The following PTPRM variants were observed in gnomAD, a reference collection of about 807,000 sequenced individuals.
The protein encoded by PTPRM is protein tyrosine phosphatase receptor type M.
Under a neutral mutation model 186.7 loss-of-function variants are expected in PTPRM, and 47 were observed. The observed-to-expected ratio is 0.25, with a 90% confidence interval of 0.20 to 0.32. The LOEUF (loss-of-function observed/expected upper bound fraction) is 0.32. Ranked by LOEUF, PTPRM falls within the 10% of genes least tolerant of loss-of-function variation. PTPRM has a pLI of 1.00. For missense variants in PTPRM, 1,494 were observed against 1,865.0 expected, an observed-to-expected ratio of 0.80 and a Z score of 3.66; for synonymous variants, 668 against 674.9, an observed-to-expected ratio of 0.99 and a Z score of 0.16.
At chr18:7,956,682 C>G (rs1854907800) in intron 7 of PTPRM, among the ~76,000 whole-genome samples, 1 of 152,204 alleles carries the variant, frequency 6.6e-6, no homozygotes, top group Non-Finnish European at 1.5e-5. Context: ...TGAGTGGTGG[C>G]TCTAAGGAGA....
chr18:8,296,967 G>C (rs1207321660), intron 20 of PTPRM, among the ~76,000 whole-genome samples: 1 of 152,108 alleles, frequency 6.6e-6, no homozygotes, highest in Admixed American at 6.5e-5. Context: ...AAAGAACTAG[G>C]ATTATAGCTT....
At chr18:8,260,415 C>T (rs1380017257) in intron 19 of PTPRM, among the ~76,000 whole-genome samples, 3 of 152,144 alleles carry the variant, frequency 2.0e-5, no homozygotes, top group Non-Finnish European at 2.9e-5. Context: ...CCTCCCACCT[C>T]AGCCCCACAA....
chr18:7,708,469 G>T (rs913706298), intron 1 of PTPRM, among the ~76,000 whole-genome samples: 1 of 152,100 alleles, frequency 6.6e-6, no homozygotes, highest in Non-Finnish European at 1.5e-5. Context: ...CTGGCTTGTG[G>T]TGTCCCCTCC....
chr18:7,749,911 G>A (rs1437509060), intron 1 of PTPRM, among the ~76,000 whole-genome samples: 1 of 152,188 alleles, frequency 6.6e-6, no homozygotes, highest in Non-Finnish European at 1.5e-5. Flanking sequence ...ATTCAGTTAA[G>A]CAAGTGGGAT....
intron 19 of PTPRM, among the ~76,000 whole-genome samples, chr18:8,280,898 C>T (rs77511180): frequency 0.025 from 3,850 of 152,222 alleles, 169 homozygotes; most frequent in South Asian, 0.087. Context: ...TCAGGCAACA[C>T]GGTCTAATTG....
chr18:7,693,103 T>C (rs969202536), intron 1 of PTPRM, among the ~76,000 whole-genome samples: 1 of 152,212 alleles, frequency 6.6e-6, no homozygotes, highest in Non-Finnish European at 1.5e-5. Context: ...AGATCAGTTA[T>C]GATGACTGTG....
chr18:7,899,947 C>A (rs1181284578), intron 3 of PTPRM, among the ~76,000 whole-genome samples: 2 of 152,094 alleles, frequency 1.3e-5, no homozygotes, highest in Admixed American at 6.5e-5. Context: ...TAATTGAAAA[C>A]AAGTCAAGCC....
At position 8,197,182 on chromosome 18, in the gene PTPRM, G is replaced by A. The variant is rs142628313; in HGVS notation, c.2301-46876G>A. Among the ~76,000 whole-genome samples, 17 of 152,274 alleles carry A rather than the reference G, an allele frequency of 1.1e-4. No homozygotes were observed. The East Asian group carries it at 3.3e-3, about 29-fold the overall frequency. ...AACATTATAGTCATGGTCTTTATGA[G>A]CGTTAGGCCAATGTTCTATGTAATG... is the stretch of plus-strand genomic sequence containing the variant. On this transcript the variant is annotated intron_variant, in intron 14 of 32. Coordinates refer to ENST00000580170, the MANE Select transcript of PTPRM (RefSeq NM_001105244.2).
chr18:7,838,548 TG>T (rs1225959119), intron 2 of PTPRM, among the ~76,000 whole-genome samples: 1 of 152,248 alleles, frequency 6.6e-6, no homozygotes, highest in Non-Finnish European at 1.5e-5. Flanking sequence ...CTAAGCCACC[TG>T]GAGCTGAGGG....
At chr18:7,636,240 G>A (rs2038309275) in intron 1 of PTPRM, among the ~76,000 whole-genome samples, 1 of 152,110 alleles carries the variant, frequency 6.6e-6, no homozygotes, top group South Asian at 2.1e-4. Context: ...AGGAAACTTG[G>A]ATGTATAGAT....
intron 13 of PTPRM, among the ~76,000 whole-genome samples, chr18:8,140,120 T>A (rs552322): frequency 4.6e-5 from 7 of 152,166 alleles, no homozygotes; most frequent in Admixed American, 2.0e-4. Context: ...CTCCCCTCCC[T>A]TTGGGAAAGC....
chr18:7,703,554 A>G (rs542424696), intron 1 of PTPRM, among the ~76,000 whole-genome samples: 46 of 152,326 alleles, frequency 3.0e-4, no homozygotes, highest in African/African-American at 9.1e-4. Flanking sequence ...GTTGCTTATC[A>G]GCTTAAGGAG....
intron 1 of PTPRM, among the ~76,000 whole-genome samples, chr18:7,705,192 G>A (rs1199990666): frequency 6.6e-6 from 1 of 151,924 alleles, no homozygotes; most frequent in African/African-American, 2.4e-5. Flanking sequence ...TATATCAAAC[G>A]AGAAATAAAT....
chr18:8,346,994 T>G (rs1002725614), intron 23 of PTPRM, among the ~76,000 whole-genome samples: 14 of 152,186 alleles, frequency 9.2e-5, no homozygotes, highest in Non-Finnish European at 7.3e-5. Context: ...ACATTTCATC[T>G]GCTTTCATGT....
At chr18:7,725,988 C>G (rs1011799536) in intron 1 of PTPRM, among the ~76,000 whole-genome samples, 1 of 152,154 alleles carries the variant, frequency 6.6e-6, no homozygotes, top group East Asian at 1.9e-4. Flanking sequence ...CTTCGGATCA[C>G]GGGCACTGTA....
chr18:7,964,456 G>GTTGT (rs760499427), intron 7 of PTPRM, among the ~76,000 whole-genome samples: 8 of 152,024 alleles, frequency 5.3e-5, no homozygotes, highest in African/African-American at 1.9e-4. Flanking sequence ...TGTTGTTGTT[G>GTTGT]TTGTTTGTTT....
At chr18:7,658,237 C>G (rs2038896110) in intron 1 of PTPRM, among the ~76,000 whole-genome samples, 1 of 150,984 alleles carries the variant, frequency 6.6e-6, no homozygotes, top group Non-Finnish European at 1.5e-5. Flanking sequence ...ATTGTAGAAG[C>G]TATACAGCAT....
chr18:8,126,202 C>A (rs1353417797), intron 13 of PTPRM, among the ~76,000 whole-genome samples: 1 of 150,398 alleles, frequency 6.6e-6, no homozygotes, highest in Non-Finnish European at 1.5e-5. Context: ...GATGACCTGT[C>A]TTACTAAATT....
At chr18:7,715,964 C>T (rs2040320259) in intron 1 of PTPRM, among the ~76,000 whole-genome samples, 1 of 152,152 alleles carries the variant, frequency 6.6e-6, no homozygotes, top group Admixed American at 6.5e-5. Flanking sequence ...TCACTGCTAT[C>T]CCCATCAAGC....
Sources: allele counts gnomAD v4.1 joint callset (sites outside exome capture counted in the v4.1 genomes callset), GRCh38; gene constraint gnomAD v4.1.1; transcripts MANE v1.5; gene names NCBI Gene and HGNC (gene_info 2026-07-23, HGNC 2026-07-21).